DOCK1: variants seen among roughly 807,000 people sequenced by gnomAD.
DOCK1 encodes dedicator of cytokinesis protein 1.
DOCK1 carries 138 observed loss-of-function variants against 262.7 expected under a neutral mutation model. That is an observed-to-expected ratio of 0.53 (90% CI 0.46 to 0.61). The LOEUF (loss-of-function observed/expected upper bound fraction) is 0.61, where lower values mean the gene tolerates loss of function less well. Ranked by LOEUF, DOCK1 falls within the 20% of genes least tolerant of loss-of-function variation. DOCK1 has a pLI of 0.00. For missense variants in DOCK1, 1,908 were observed against 2,370.7 expected, an observed-to-expected ratio of 0.80 and a Z score of 4.05; for synonymous variants, 866 against 867.4, an observed-to-expected ratio of 1.00 and a Z score of 0.03.
chr10:127,180,768 A>T (rs902679322), intron 27 of DOCK1, among the ~76,000 whole-genome samples: 3 of 152,252 alleles, frequency 2.0e-5, no homozygotes, highest in African/African-American at 7.2e-5. Context: ...GGCGGCCATT[A>T]AAAGGATAAT....
chr10:127,113,880 A>G (rs1195829286), intron 25 of DOCK1, among the ~76,000 whole-genome samples: 1 of 152,182 alleles, frequency 6.6e-6, no homozygotes, highest in African/African-American at 2.4e-5. Flanking sequence ...TGCAGGATGG[A>G]CATGCTTGAC....
intron 27 of DOCK1, chr10:127,136,704 A>G (rs1276554027): frequency 6.6e-6 from 1 of 152,654 alleles, no homozygotes; most frequent in Non-Finnish European, 1.5e-5. Context: ...ACCTAAAAAC[A>G]TTTGATTCAC....
rs978442442 is a variant in DOCK1, at chr10:127,433,231, T to C, written c.4915-52T>C. On this transcript the variant is annotated intron_variant, in intron 47 of 51. Transcript: ENST00000623213. ...CCACTTTATCTCAGGAGTCTGACCATGGCAGGCACAGGCATCAAACAAGTC... is the reference window on the plus strand; with the variant it reads ...CCACTTTATCTCAGGAGTCTGACCACGGCAGGCACAGGCATCAAACAAGTC... 12 of 1,601,890 alleles carry C rather than the reference T, an allele frequency of 7.5e-6. No homozygotes were observed. In the South Asian group the frequency reaches 1.2e-4, roughly 16 times the overall value.
chr10:126,949,333 C>T (rs1293976106), intron 1 of DOCK1, among the ~76,000 whole-genome samples: 1 of 152,108 alleles, frequency 6.6e-6, no homozygotes, highest in Non-Finnish European at 1.5e-5. Context: ...GAAGGCACTT[C>T]TTGGTTGGAC....
intron 1 of DOCK1, among the ~76,000 whole-genome samples, chr10:126,967,143 G>C (rs1336252863): frequency 6.6e-6 from 1 of 152,138 alleles, no homozygotes; most frequent in African/African-American, 2.4e-5. Context: ...AAAACTGAGC[G>C]ATCAGCAAAA....
chr10:126,964,337 C>T (rs1591468035), intron 1 of DOCK1, among the ~76,000 whole-genome samples: 1 of 152,146 alleles, frequency 6.6e-6, no homozygotes, highest in Non-Finnish European at 1.5e-5. Flanking sequence ...TGTGGACCAG[C>T]GCAGGGGCCT....
At chr10:127,343,247 TAA>T (rs1280368776) in intron 30 of DOCK1, among the ~76,000 whole-genome samples, 2 of 152,090 alleles carry the variant, frequency 1.3e-5, no homozygotes, top group African/African-American at 4.8e-5. Flanking sequence ...TCCATCTCAA[TAA>T]AAAAGAGCTA....
intron 27 of DOCK1, among the ~76,000 whole-genome samples, chr10:127,222,130 G>C (rs11818052): frequency 0.019 from 2,853 of 152,288 alleles, 106 homozygotes; most frequent in African/African-American, 0.066. Context: ...TGTCCCTGTA[G>C]TCTTTAAAGG....
Position 127,012,258 on chromosome 10 carries a change from A to C in DOCK1, c.1085A>C (p.His362Pro). 6.2e-7 allele frequency: 1 copy of C among 1,611,120 alleles called. No individual in the cohort carries two copies. Among genetic ancestry groups the C allele is most frequent in the Non-Finnish European group, 8.5e-7 (1 of 1,177,364 alleles). The change falls in exon 12 of 52, where the codon CAC (histidine) becomes CCC (proline). Residue 362 changes from histidine to proline, a missense_variant. This residue lies in a region of DOCK1 where 57 missense variants were observed against 39.7 expected (regional missense o/e 1.44). Coordinates refer to ENST00000623213, the MANE Select transcript of DOCK1 (RefSeq NM_001290223.2). This position sits in a 1 kb window ranked among gnomAD's most constrained non-coding sequence, Gnocchi z 4.0. ...QPLALDDAIRHKPLNMSSRFS... is the reference protein window; with the variant it reads ...QPLALDDAIRPKPLNMSSRFS... ...CTCGCGTTGGACGACGCCATTCGACACAAGCCGCTGAACATGTCATCCCGT... is the reference window on the plus strand; with the variant it reads ...CTCGCGTTGGACGACGCCATTCGACCCAAGCCGCTGAACATGTCATCCCGT...
At chr10:127,321,704 CAGCCAAACCCCTCCCCCCG>C (rs1204706281) in intron 29 of DOCK1, among the ~76,000 whole-genome samples, 1 of 148,530 alleles carries the variant, frequency 6.7e-6, no homozygotes, top group East Asian at 2.0e-4. Flanking sequence ...TCCTTCCCTT[CAGCCAAACCCCTCCCCCCG>C]CCGCCCCTGC....
chr10:127,293,425 G>T (rs2061409071), intron 29 of DOCK1, among the ~76,000 whole-genome samples: 1 of 152,210 alleles, frequency 6.6e-6, no homozygotes, highest in Non-Finnish European at 1.5e-5. Flanking sequence ...TGCTGTCATT[G>T]GACACTGTGG....
At chr10:127,026,301 C>G in intron 15 of DOCK1, 51 bp from the exon 16 acceptor site, 6 of 1,495,122 alleles carry the variant, frequency 4.0e-6, no homozygotes, top group South Asian at 1.2e-5. Flanking sequence ...AAAGCTGTTA[C>G]GCTGGATGAT....
intron 27 of DOCK1, 158 bp downstream of exon 27, chr10:127,127,922 G>A (rs962302935): frequency 3.8e-6 from 2 of 531,790 alleles, no homozygotes; most frequent in Non-Finnish European, 6.1e-6. Flanking sequence ...GAATGTCAAA[G>A]TTGAAGGGTA....
At chr10:127,201,525 A>G (rs2057459367) in intron 27 of DOCK1, among the ~76,000 whole-genome samples, 1 of 152,190 alleles carries the variant, frequency 6.6e-6, no homozygotes, top group African/African-American at 2.4e-5. Context: ...GCTTTCTATG[A>G]TGCATCATTG....
intron 27 of DOCK1, among the ~76,000 whole-genome samples, chr10:127,188,638 G>A (rs1214132609): frequency 1.3e-5 from 2 of 152,178 alleles, no homozygotes; most frequent in African/African-American, 4.8e-5. Flanking sequence ...ACGAACTGGG[G>A]CTTTGAGACC....
intron 27 of DOCK1, among the ~76,000 whole-genome samples, chr10:127,129,767 G>A (rs1365974197): frequency 6.6e-6 from 1 of 152,204 alleles, no homozygotes; most frequent in East Asian, 1.9e-4. Context: ...ACCCTCTTGG[G>A]ATGGGCGGAC....
intron 8 of DOCK1, chr10:126,998,649 T>G (rs1178701544): frequency 6.0e-6 from 1 of 166,022 alleles, no homozygotes; most frequent in Non-Finnish European, 1.3e-5. Context: ...CTGTGAGTTT[T>G]GTCTTGTTTT....
chr10:127,292,693 A>T (rs930824345), intron 29 of DOCK1, among the ~76,000 whole-genome samples: 1 of 152,170 alleles, frequency 6.6e-6, no homozygotes, highest in African/African-American at 2.4e-5. Flanking sequence ...GATTGATTCA[A>T]GGTGCAACGT....
chr10:127,114,956 C>T (rs767327849), intron 25 of DOCK1, among the ~76,000 whole-genome samples: 10 of 152,036 alleles, frequency 6.6e-5, no homozygotes, highest in South Asian at 4.2e-4. Flanking sequence ...GCGGTTTCAC[C>T]GTGTTGGCTG....
Sources: allele counts gnomAD v4.1 joint callset (sites outside exome capture counted in the v4.1 genomes callset), GRCh38; gene constraint gnomAD v4.1.1; regional missense constraint gnomAD v4.1.1; non-coding constraint Gnocchi (gnomAD v3.1); transcripts MANE v1.5; gene names NCBI Gene and HGNC (gene_info 2026-07-23, HGNC 2026-07-21).